The following GALNT9 variants were observed in gnomAD, a reference collection of about 807,000 sequenced individuals.
The protein encoded by GALNT9 is polypeptide N-acetylgalactosaminyltransferase 9.
A neutral mutation model predicts 63.1 loss-of-function variants in GALNT9; 47 were observed. That is an observed-to-expected ratio of 0.75 (90% CI 0.59 to 0.95). The LOEUF (loss-of-function observed/expected upper bound fraction) is 0.95. Among genes scored for constraint, GALNT9 ranks in the 40% least tolerant of loss-of-function variants. GALNT9 has a pLI of 0.00. For missense variants in GALNT9, 829 were observed against 874.8 expected (o/e 0.95, Z 0.66); for synonymous variants, 396 against 365.7 (o/e 1.08, Z -0.94).
intron 1 of GALNT9, among the ~76,000 whole-genome samples, chr12:132,306,026 C>T (rs372677451): frequency 1.5e-4 from 23 of 152,272 alleles, no homozygotes; most frequent in African/African-American, 5.5e-4. Context: ...CATGGCGGGG[C>T]CCAGACTCAA....
chr12:132,325,967 G>A (rs1268086745), intron 1 of GALNT9, among the ~76,000 whole-genome samples: 3 of 152,392 alleles, frequency 2.0e-5, no homozygotes, highest in Non-Finnish European at 4.4e-5. Context: ...GCTCCCTGGC[G>A]GTGACCTTCA....
At chr12:132,260,912 G>A (rs1399343325) in intron 4 of GALNT9, 36 bp downstream of exon 4, 19 of 1,488,648 alleles carry the variant, frequency 1.3e-5, no homozygotes, top group East Asian at 7.7e-5. Flanking sequence ...AGGGGGACCC[G>A]CTGAGACTGG....
At chr12:132,321,278 A>G (rs200470450) in intron 1 of GALNT9, among the ~76,000 whole-genome samples, 6 of 151,092 alleles carry the variant, frequency 4.0e-5, no homozygotes, top group African/African-American at 1.2e-4. Context: ...GTCCAGAATC[A>G]AGGCCATGGT....
rs539598333 is a variant in GALNT9, at chr12:132,257,841, G to A, written c.807C>T (p.Ile269=). The A allele has an allele frequency of 3.7e-4, 576 of 1,549,482 alleles. 1 individual carries two copies. The highest frequency in any genetic ancestry group is 4.6e-4 in the Non-Finnish European group (530 of 1,146,738). ...TGATGTTGTCGATGGCTGGCAGCAC[G>A]ATGCGACGCCGGTCCTCTCGGATCC... is the stretch of plus-strand genomic sequence containing the variant. The part of the protein sequence containing the change: ...LSRIREDRRR[I]VLPAIDNIKY... The change falls in exon 5 of 11, where the codon ATC becomes ATT. Residue 269 remains isoleucine (I), a synonymous_variant. Transcript: ENST00000328957.
chr12:132,324,992 C>T lies in GALNT9; in HGVS notation c.238+3974G>A, dbSNP rs534422613. Among the ~76,000 whole-genome samples the T allele has an allele frequency of 5.9e-5, 9 of 152,334 alleles. No individual in the cohort carries two copies. The South Asian group carries it at 1.0e-3, about 18-fold the overall frequency. ...GCTTCCCAAAGCAGGGGCTGCGTCC[C>T]GGTGGGCCCAGCTTGCAGACATGGC... On this transcript the variant is annotated intron_variant, in intron 1 of 10. Transcript: ENST00000328957.
chr12:132,229,056 C>A (rs939235362), intron 6 of GALNT9, among the ~76,000 whole-genome samples: 9 of 152,206 alleles, frequency 5.9e-5, no homozygotes, highest in Non-Finnish European at 1.3e-4. Flanking sequence ...TCCTGGGGCA[C>A]ACACCTGTGC....
chr12:132,215,762 G>C (rs1183098638), intron 6 of GALNT9, among the ~76,000 whole-genome samples: 1 of 152,190 alleles, frequency 6.6e-6, no homozygotes, highest in Non-Finnish European at 1.5e-5. Flanking sequence ...GGCATGGGCG[G>C]GGGGCAGCCT....
Position 132,329,271 on chromosome 12 carries a change from A to AGCTTCG in GALNT9, c.-74_-69dup. 3 of 1,497,014 alleles carry AGCTTCG rather than the reference A, an allele frequency of 2.0e-6. No homozygotes were observed. Among genetic ancestry groups the AGCTTCG allele is most frequent in the South Asian group, 1.3e-5 (1 of 76,516 alleles). 92.7% of individuals were successfully genotyped at this position (1,497,014 alleles called of 1,614,324 possible). On this transcript the variant is annotated 5_prime_UTR_variant, in exon 1 of 11. Coordinates refer to ENST00000328957, the MANE Select transcript of GALNT9 (RefSeq NM_001122636.2). Reference sequence around the variant, plus strand: ...GCATCCCCGCCCGGGCCTGGGCTTCAGCTTCGGCTTCGGGGACCATGAGCC... The same window carrying AGCTTCG: ...GCATCCCCGCCCGGGCCTGGGCTTCAGCTTCGGCTTCGGCTTCGGGGACCATGAGCC...
rs142678616 is a variant in GALNT9 at position 132,309,729 on chromosome 12, A to T, written c.238+19237T>A. Among the ~76,000 whole-genome samples, 82 of 152,322 alleles carry T rather than the reference A, an allele frequency of 5.4e-4. 1 individual carries two copies. In the East Asian group the frequency reaches 0.013, roughly 23 times the overall value. On this transcript the variant is annotated intron_variant, in intron 1 of 10. Transcript: ENST00000328957. ...ACTTTGGACTTCCGGCCTCCAGAAC[A>T]GAGAGAGCGTAAGTCTCCATTGTGT...
Position 132,253,816 on chromosome 12 carries a change from G to A in GALNT9, c.959+3873C>T, listed in dbSNP as rs79019542. Among the ~76,000 whole-genome samples, 971 of 152,286 alleles carry A rather than the reference G, an allele frequency of 6.4e-3. 13 individuals are homozygous for A. The highest frequency in any genetic ancestry group is 0.022 in the African/African-American group (926 of 41,548). On this transcript the variant is annotated intron_variant, in intron 5 of 10. Coordinates refer to ENST00000328957, the MANE Select transcript of GALNT9 (RefSeq NM_001122636.2). ...ATCACGGAAATGCCGTCCTGGAGCAGGGCCCACACTTTCTCTGCCCGGGGC... is the reference window on the plus strand; with the variant it reads ...ATCACGGAAATGCCGTCCTGGAGCAAGGCCCACACTTTCTCTGCCCGGGGC...
intron 6 of GALNT9, among the ~76,000 whole-genome samples, chr12:132,216,567 C>T (rs376623536): frequency 1.5e-4 from 23 of 152,350 alleles, no homozygotes; most frequent in East Asian, 5.8e-4. Flanking sequence ...CACAGGCAGG[C>T]GGCACTGAGT....
At chr12:132,210,305 A>C (rs1003655524) in intron 6 of GALNT9, among the ~76,000 whole-genome samples, 7 of 152,250 alleles carry the variant, frequency 4.6e-5, no homozygotes, top group Non-Finnish European at 7.3e-5. Context: ...TGGGCCTGGC[A>C]AAGGGCCTGC....
intron 2 of GALNT9, among the ~76,000 whole-genome samples, chr12:132,266,984 C>T (rs1879623172): frequency 6.6e-6 from 1 of 152,204 alleles, no homozygotes; most frequent in Admixed American, 6.5e-5. Context: ...TAAAACGTCA[C>T]AGACGCAGCC....
chr12:132,225,016 C>A, intron 6 of GALNT9, among the ~76,000 whole-genome samples: 1 of 133,936 alleles, frequency 7.5e-6, no homozygotes, highest in Non-Finnish European at 1.6e-5. Flanking sequence ...TACGTACACC[C>A]CCCCCACACA....
At chr12:132,239,595 G>C (rs1422380099) in intron 6 of GALNT9, among the ~76,000 whole-genome samples, 1 of 151,516 alleles carries the variant, frequency 6.6e-6, no homozygotes, top group Non-Finnish European at 1.5e-5. Context: ...CAGAGAGACA[G>C]AGAGAGACAC....
Position 132,196,570 on chromosome 12 carries a change from G to C in GALNT9, c.*537C>G. 1.0e-6 allele frequency: 1 copy of C among 986,384 alleles called. No individual in the cohort carries two copies. The highest frequency in any genetic ancestry group is 1.7e-5 in the African/African-American group (1 of 57,338). The allele number at this position is 986,384 out of a possible 1,614,324, so 61.1% of individuals were successfully genotyped here. The stretch of plus-strand genomic sequence containing the variant: ...GCAGTCGTGCCAGCCTCCTAGACAC[G>C]GCCTCAGGTTTGTCGCTGTCCATGT... On this transcript the variant is annotated 3_prime_UTR_variant, in exon 11 of 11. Transcript: ENST00000328957.
At position 132,310,682 on chromosome 12, in the gene GALNT9, C is replaced by CAATATTCTGAG. The variant is rs1881780781; in HGVS notation, c.238+18273_238+18283dup. 6.6e-6 allele frequency among the ~76,000 whole-genome samples: 1 copy of CAATATTCTGAG among 152,138 alleles called. No individual in the cohort carries two copies. Among genetic ancestry groups the CAATATTCTGAG allele is most frequent in the South Asian group, 2.1e-4 (1 of 4,822 alleles). On this transcript the variant is annotated intron_variant, in intron 1 of 10. Coordinates refer to ENST00000328957, the MANE Select transcript of GALNT9 (RefSeq NM_001122636.2). The surrounding 1 kb of genome is among the most constrained non-coding windows in gnomAD (Gnocchi z 4.8). ...TTCCATCTGTTACAGTGACTGAAGCCAATATTCTGAGAGAGGAAACAGCAC... is the reference window on the plus strand; with the variant it reads ...TTCCATCTGTTACAGTGACTGAAGCCAATATTCTGAGAATATTCTGAGAGAGGAAACAGCAC...
intron 6 of GALNT9, among the ~76,000 whole-genome samples, chr12:132,226,125 C>T (rs1249758774): frequency 6.7e-6 from 1 of 148,172 alleles, no homozygotes; most frequent in African/African-American, 2.5e-5. Flanking sequence ...ATCCCACACA[C>T]CCCACACTGT....
At chr12:132,249,559 C>G (rs1356764029) in intron 5 of GALNT9, among the ~76,000 whole-genome samples, 20 of 152,240 alleles carry the variant, frequency 1.3e-4, no homozygotes, top group African/African-American at 4.8e-4. Context: ...TTTTTAATAG[C>G]AACCTTTGAT....
Sources: gnomAD v4.1 joint callset for allele counts (sites outside exome capture counted in the v4.1 genomes callset) on GRCh38, gnomAD v4.1.1 for gene constraint, Gnocchi (gnomAD v3.1) non-coding constraint, MANE v1.5 for transcripts, NCBI Gene and HGNC (gene_info 2026-07-23, HGNC 2026-07-21) for gene names.